The following ARL1 variants were observed in gnomAD, a reference collection of about 807,000 sequenced individuals.
The protein encoded by ARL1 is ADP-ribosylation factor-like protein 1.
Under a neutral mutation model 30.1 loss-of-function variants are expected in ARL1, and 17 were observed. The observed-to-expected ratio is 0.56, with a 90% confidence interval of 0.39 to 0.85. The LOEUF (loss-of-function observed/expected upper bound fraction) is 0.85, where lower values mean the gene tolerates loss of function less well. Ranked by LOEUF, ARL1 falls within the 40% of genes least tolerant of loss-of-function variation. ARL1 has a pLI of 0.00. For missense variants in ARL1, 102 were observed against 212.6 expected, an observed-to-expected ratio of 0.48 and a Z score of 3.24; for synonymous variants, 58 against 71.7, an observed-to-expected ratio of 0.81 and a Z score of 0.97.
Position 101,407,731 on chromosome 12 carries a change from G to C in ARL1, c.-86C>G. 11 of 1,592,876 alleles carry C rather than the reference G, an allele frequency of 6.9e-6. No homozygotes were observed. The highest frequency in any genetic ancestry group is 1.1e-5 in the South Asian group (1 of 90,584). The stretch of plus-strand genomic sequence containing the variant: ...CCGAGGCGGTTTCCTCGCAAGCCCA[G>C]TCAGCCAGCAACTTCCACGTCGGAC... On this transcript the variant is annotated 5_prime_UTR_variant, in exon 1 of 6. Coordinates refer to ENST00000261636, the MANE Select transcript of ARL1 (RefSeq NM_001177.6).
rs537505057 is a variant in ARL1 at position 101,406,484 on chromosome 12, C to CA, written c.5-504dup. Among the ~76,000 whole-genome samples the CA allele has an allele frequency of 3.9e-5, 6 of 152,158 alleles. No homozygotes were observed. In the East Asian group the frequency reaches 7.7e-4, roughly 20 times the overall value. ...AGCTGAAAACAATAACTATTTTTGA[C>CA]AAAAAACCCACTTTTAAAAATAATA... On this transcript the variant is annotated intron_variant, in intron 1 of 5. Transcript: ENST00000261636.
intron 1 of ARL1, 126 bp downstream of exon 1, chr12:101,407,516 C>T: frequency 7.5e-7 from 1 of 1,326,038 alleles, no homozygotes; most frequent in Non-Finnish European, 1.0e-6. Flanking sequence ...TCAAGTCCTC[C>T]GCGACCCGCC....
intron 3 of ARL1, among the ~76,000 whole-genome samples, chr12:101,401,933 C>T (rs1565815743): frequency 6.6e-6 from 1 of 151,858 alleles, no homozygotes; most frequent in East Asian, 1.9e-4. Flanking sequence ...TATAAATAAA[C>T]TCAAAAGTGA....
chr12:101,396,263 G>A (rs1293620227), intron 5 of ARL1, 136 bp downstream of exon 5: 1 of 1,127,914 alleles, frequency 8.9e-7, no homozygotes, highest in East Asian at 2.4e-5. Context: ...GAGAGAAAAC[G>A]CTTGAGGAAC....
chr12:101,402,095 T>A (rs1012657110), intron 3 of ARL1, among the ~76,000 whole-genome samples: 1 of 152,234 alleles, frequency 6.6e-6, no homozygotes, highest in Non-Finnish European at 1.5e-5. Flanking sequence ...GACCAACTAC[T>A]GACGGTCATC....
At chr12:101,398,542 T>G (rs566295210) in intron 4 of ARL1, among the ~76,000 whole-genome samples, 13 of 152,106 alleles carry the variant, frequency 8.5e-5, no homozygotes, top group African/African-American at 2.6e-4. Context: ...CTCCGCCTCC[T>G]GGGTTCAAGT....
chr12:101,407,575 C>A, intron 1 of ARL1, 67 bp downstream of exon 1: 1 of 1,601,162 alleles, frequency 6.2e-7, no homozygotes, highest in African/African-American at 1.3e-5. Flanking sequence ...CCCTCTCCTC[C>A]TCTGCACCCC....
At chr12:101,399,056 C>A (rs997767264) in intron 4 of ARL1, among the ~76,000 whole-genome samples, 1 of 151,860 alleles carries the variant, frequency 6.6e-6, no homozygotes, top group Non-Finnish European at 1.5e-5. Flanking sequence ...GGCAATTAAA[C>A]CTTATCCTTA....
At position 101,394,650 on chromosome 12, in the gene ARL1, ATT is replaced by A. The variant is rs1207822303; in HGVS notation, c.*988_*989del. 1 of 152,152 alleles carries A rather than the reference ATT, an allele frequency of 6.6e-6. No homozygotes were observed. Among genetic ancestry groups the A allele is most frequent in the African/African-American group, 2.4e-5 (1 of 41,446 alleles). 9.4% of individuals were successfully genotyped at this position (152,152 alleles called of 1,614,324 possible). ...TTTTTAAACCTTCCTTTAATGTGAA[ATT>A]TTCTCTTTAATGTGTTATGAATTCT... On this transcript the variant is annotated 3_prime_UTR_variant, in exon 6 of 6. Transcript: ENST00000261636.
intron 5 of ARL1, 93 bp downstream of exon 5, chr12:101,396,306 T>C (rs766142106): frequency 1.3e-6 from 2 of 1,513,502 alleles, no homozygotes; most frequent in Non-Finnish European, 1.8e-6. Context: ...AATCAAAGTT[T>C]CATCCTCAAC....
At chr12:101,401,618 A>G (rs1340551323) in intron 3 of ARL1, 2 of 148,516 alleles carry the variant, frequency 1.3e-5, no homozygotes, top group Non-Finnish European at 3.0e-5. Flanking sequence ...CCTGGGCAAC[A>G]AGAGTGAAAC....
intron 4 of ARL1, among the ~76,000 whole-genome samples, chr12:101,398,396 CA>C (rs199846146): frequency 0.015 from 1,762 of 114,880 alleles, 17 homozygotes; most frequent in East Asian, 0.096. Flanking sequence ...AACTCCGTCT[CA>C]AAAAAAAAAA....
At position 101,401,103 on chromosome 12, in the gene ARL1, G is replaced by C; in HGVS notation, c.295C>G (p.Arg99Gly). ...AACTCTGATTTGGAAATGCCAATTC[G>C]GTCTCGGTCACAACTGTCTACTACA... The part of the protein sequence containing the change: ...IYVVDSCDRD[R>G]IGISKSELVA... The change falls in exon 4 of 6, where the codon CGA becomes GGA. Residue 99 changes from arginine (R) to glycine (G), a missense_variant. Transcript: ENST00000261636. 6.2e-7 allele frequency: 1 copy of C among 1,613,554 alleles called. No homozygotes were observed.
In ARL1 at chr12:101,398,574, C is replaced by A. The variant is rs1336535232; in HGVS notation, c.337-1997G>T. 2.6e-5 allele frequency among the ~76,000 whole-genome samples: 4 copies of A among 151,764 alleles called. No individual in the cohort carries two copies. In the East Asian group the frequency reaches 7.8e-4, roughly 30 times the overall value. On this transcript the variant is annotated intron_variant, in intron 4 of 5. Coordinates refer to ENST00000261636, the MANE Select transcript of ARL1 (RefSeq NM_001177.6). ...AAGTGACTCTCCTGCCTCAGCCTCC[C>A]GTGTAGCTGGGATTACAGGCGTGCG...
chr12:101,406,049 C>G, intron 1 of ARL1, 68 bp from the exon 2 acceptor site: 1 of 1,303,842 alleles, frequency 7.7e-7, no homozygotes. Context: ...AAACATCTAA[C>G]CTTGTCCTTT....
At chr12:101,396,675 TAATA>T (rs1871162729) in intron 4 of ARL1, 98 bp from the exon 5 acceptor site, 1 of 898,920 alleles carries the variant, frequency 1.1e-6, no homozygotes, top group Non-Finnish European at 1.6e-6. Context: ...ATTTTATAAT[TAATA>T]TATTACACAT....
At chr12:101,403,903 T>G (rs1871370829) in intron 2 of ARL1, among the ~76,000 whole-genome samples, 1 of 152,118 alleles carries the variant, frequency 6.6e-6, no homozygotes, top group South Asian at 2.1e-4. Flanking sequence ...CAGGTTGCAG[T>G]GAGCCGAGAT....
In ARL1 at chr12:101,401,110, G is replaced by A. The variant is rs563869396; in HGVS notation, c.288C>T (p.Asp96=). The A allele has an allele frequency of 1.2e-5, 19 of 1,613,820 alleles. No homozygotes were observed. The East Asian group carries it at 4.0e-4, about 34-fold the overall frequency. ...ATTTGGAAATGCCAATTCGGTCTCG[G>A]TCACAACTGTCTACTACATAAATGA... ...DAVIYVVDSC[D]RDRIGISKSE... is the part of the protein sequence containing the mutation. The change falls in exon 4 of 6, where the codon GAC becomes GAT. Residue 96 remains aspartate (D), a synonymous_variant. Coordinates refer to ENST00000261636, the MANE Select transcript of ARL1 (RefSeq NM_001177.6).
intron 4 of ARL1, among the ~76,000 whole-genome samples, chr12:101,398,485 C>A (rs1214533230): frequency 6.6e-6 from 1 of 151,932 alleles, no homozygotes; most frequent in African/African-American, 2.4e-5. Context: ...AGTCTCACTC[C>A]ATCACTCAGG....
Sources: gnomAD v4.1 joint callset for allele counts (sites outside exome capture counted in the v4.1 genomes callset) on GRCh38, gnomAD v4.1.1 for gene constraint, MANE v1.5 for transcripts, NCBI Gene and HGNC (gene_info 2026-07-23, HGNC 2026-07-21) for gene names.